The following PDGFC variants were observed in gnomAD, a reference collection of about 807,000 sequenced individuals.
The protein encoded by PDGFC is platelet-derived growth factor C.
In PDGFC, 12 loss-of-function variants were observed where a neutral mutation model predicts 35.5. The observed-to-expected ratio is 0.34, with a 90% confidence interval of 0.22 to 0.55. PDGFC has a LOEUF of 0.55. PDGFC is among the 20% of genes least tolerant of loss of function. The probability of loss-of-function intolerance (pLI) is 0.91; values close to 1 mark genes in which losing one functional copy is unlikely to be tolerated. For missense variants in PDGFC, 322 were observed against 412.4 expected (o/e 0.78, Z 1.90); for synonymous variants, 159 against 148.8 (o/e 1.07, Z -0.50).
At chr4:156,920,330 T>C (rs1490045570) in intron 1 of PDGFC, among the ~76,000 whole-genome samples, 1 of 152,176 alleles carries the variant, frequency 6.6e-6, no homozygotes, top group Non-Finnish European at 1.5e-5. Flanking sequence ...TGCCTAAACA[T>C]TGTCTTATTT....
chr4:156,824,732 T>C (rs901495968), intron 2 of PDGFC, among the ~76,000 whole-genome samples: 1 of 152,130 alleles, frequency 6.6e-6, no homozygotes, highest in East Asian at 1.9e-4. Flanking sequence ...GATTTAGGCA[T>C]CTAATACATC....
intron 3 of PDGFC, among the ~76,000 whole-genome samples, chr4:156,805,237 CATAA>C (rs962797230): frequency 2.6e-5 from 4 of 151,940 alleles, no homozygotes; most frequent in African/African-American, 9.7e-5. Flanking sequence ...AGACTCCTTG[CATAA>C]ATATACAAGT....
At chr4:156,767,191 A>G (rs1331202460) in intron 5 of PDGFC, among the ~76,000 whole-genome samples, 1 of 152,102 alleles carries the variant, frequency 6.6e-6, no homozygotes, top group African/African-American at 2.4e-5. Context: ...CCAGGGTTCT[A>G]AAAAACAATA....
intron 3 of PDGFC, among the ~76,000 whole-genome samples, chr4:156,774,960 CTT>C (rs1391194383): frequency 8.5e-5 from 13 of 152,048 alleles, no homozygotes; most frequent in South Asian, 2.1e-4. Context: ...CTATTAAAGA[CTT>C]AATTTCAATA....
At chr4:156,810,053 A>G (rs1352281933) in intron 3 of PDGFC, among the ~76,000 whole-genome samples, 1 of 151,924 alleles carries the variant, frequency 6.6e-6, no homozygotes, top group Non-Finnish European at 1.5e-5. Flanking sequence ...GTGAAACAAG[A>G]TACTGTAAAA....
At chr4:156,902,129 C>A (rs1378984576) in intron 1 of PDGFC, among the ~76,000 whole-genome samples, 1 of 152,160 alleles carries the variant, frequency 6.6e-6, no homozygotes, top group Non-Finnish European at 1.5e-5. Flanking sequence ...TAGCAGGCTA[C>A]ACAGAAGATA....
intron 2 of PDGFC, among the ~76,000 whole-genome samples, chr4:156,832,708 T>A (rs1473020114): frequency 6.6e-6 from 1 of 152,208 alleles, no homozygotes; most frequent in Non-Finnish European, 1.5e-5. Context: ...GGTCCAGTAT[T>A]ATGTGGAATT....
intron 1 of PDGFC, among the ~76,000 whole-genome samples, chr4:156,925,068 G>T (rs1731375007): frequency 6.6e-6 from 1 of 152,142 alleles, no homozygotes; most frequent in South Asian, 2.1e-4. Flanking sequence ...AGAGATAAAA[G>T]ATTCCAGACT....
At chr4:156,862,727 T>TC (rs1290165543) in intron 1 of PDGFC, among the ~76,000 whole-genome samples, 2 of 91,380 alleles carry the variant, frequency 2.2e-5, no homozygotes, top group Non-Finnish European at 4.2e-5. Flanking sequence ...CTCTCTCTCT[T>TC]TTTTTTTTTT....
At chr4:156,965,852 T>A in intron 1 of PDGFC, among the ~76,000 whole-genome samples, 1 of 152,098 alleles carries the variant, frequency 6.6e-6, no homozygotes, top group East Asian at 1.9e-4. Context: ...GAACTAAAAT[T>A]GTCCACAGCT....
chr4:156,813,488 G>T (rs1431553931), intron 2 of PDGFC, among the ~76,000 whole-genome samples: 1 of 152,026 alleles, frequency 6.6e-6, no homozygotes, highest in African/African-American at 2.4e-5. Context: ...GCTTACAAAG[G>T]ACTTGACACT....
chr4:156,766,494 C>G (rs1217842248), intron 5 of PDGFC, among the ~76,000 whole-genome samples: 1 of 152,036 alleles, frequency 6.6e-6, no homozygotes, highest in African/African-American at 2.4e-5. Flanking sequence ...GCATCAGGTG[C>G]CATACATGTA....
At chr4:156,958,898 T>C (rs1286636079) in intron 1 of PDGFC, among the ~76,000 whole-genome samples, 1 of 152,064 alleles carries the variant, frequency 6.6e-6, no homozygotes, top group African/African-American at 2.4e-5. Context: ...AGGGTGGTTA[T>C]AATAGCAGTT....
chr4:156,963,203 C>T (rs1218731259), intron 1 of PDGFC, among the ~76,000 whole-genome samples: 1 of 152,104 alleles, frequency 6.6e-6, no homozygotes, highest in Non-Finnish European at 1.5e-5. Context: ...CACAGTGGCT[C>T]ACCTCTGTAA....
chr4:156,831,439 C>CTTTTT lies in PDGFC; in HGVS notation c.314+18777_314+18781dup, dbSNP rs34254264. Among the ~76,000 whole-genome samples, 67 of 99,300 alleles carry CTTTTT rather than the reference C, an allele frequency of 6.7e-4. 2 individuals carry two copies. The highest frequency in any genetic ancestry group is 1.4e-3 in the African/African-American group (32 of 22,480). The allele number at this position is 99,300 out of a possible 152,430, so 65.1% of individuals were successfully genotyped here. On this transcript the variant is annotated intron_variant, in intron 2 of 5. Coordinates refer to ENST00000502773, the MANE Select transcript of PDGFC (RefSeq NM_016205.3). ...CCTAGACAACATAATGAGACCCTGT[C>CTTTTT]TTTTTTTTTTTTTTTTTTTTTTGAG...
intron 2 of PDGFC, among the ~76,000 whole-genome samples, chr4:156,833,516 A>G (rs1325461822): frequency 6.6e-6 from 1 of 152,182 alleles, no homozygotes; most frequent in Non-Finnish European, 1.5e-5. Flanking sequence ...TTTATTGTCA[A>G]AATCATCAAA....
At chr4:156,783,934 T>G in intron 3 of PDGFC, among the ~76,000 whole-genome samples, 1 of 152,112 alleles carries the variant, frequency 6.6e-6, no homozygotes, top group East Asian at 1.9e-4. Flanking sequence ...AGAAGAGATA[T>G]GCTTAATTTT....
At chr4:156,894,442 T>G (rs564219639) in intron 1 of PDGFC, among the ~76,000 whole-genome samples, 61 of 152,296 alleles carry the variant, frequency 4.0e-4, no homozygotes, top group African/African-American at 1.4e-3. Context: ...ATCATAGTAT[T>G]GTTCATTATG....
At chr4:156,910,968 A>T (rs2110804029) in intron 1 of PDGFC, among the ~76,000 whole-genome samples, 1 of 152,254 alleles carries the variant, frequency 6.6e-6, no homozygotes, top group East Asian at 1.9e-4. Flanking sequence ...TGTAGTTTGT[A>T]AATATTTTTT....
Sources: gnomAD v4.1 joint callset for allele counts (sites outside exome capture counted in the v4.1 genomes callset) on GRCh38, gnomAD v4.1.1 for gene constraint, MANE v1.5 for transcripts, NCBI Gene and HGNC (gene_info 2026-07-23, HGNC 2026-07-21) for gene names.